GBP4: variants seen among roughly 807,000 people sequenced by gnomAD.
GBP4 encodes guanylate-binding protein 4.
A neutral mutation model predicts 62.2 loss-of-function variants in GBP4; 69 were observed. The observed-to-expected ratio is 1.11, with a 90% CI of 0.91 to 1.36. The LOEUF (loss-of-function observed/expected upper bound fraction) is 1.36, where lower values mean the gene tolerates loss of function less well. Ranked by LOEUF, GBP4 falls within the 40% of genes most tolerant of loss-of-function variation. The pLI is 0.00. For synonymous variants in GBP4, 278 were observed against 274.6 expected, an observed-to-expected ratio of 1.01 and a Z score of -0.12; for missense variants, 697 against 759.3, an observed-to-expected ratio of 0.92 and a Z score of 0.96.
chr1:89,187,799 AT>A (rs1001604732), intron 8 of GBP4, among the ~76,000 whole-genome samples: 1 of 152,226 alleles, frequency 6.6e-6, no homozygotes, highest in Non-Finnish European at 1.5e-5. Flanking sequence ...TATCTCACAC[AT>A]TTTAGAATGA....
At position 89,197,180 on chromosome 1, in the gene GBP4, C is replaced by G. The variant is rs1465103337; in HGVS notation, c.165G>C (p.Val55=). Reference sequence around the variant, plus strand: ...TGCGGTATAGCCCTACAATGGCCACCACCACCACGGGCTGAGAAATCTTGT... The same window carrying G: ...TGCGGTATAGCCCTACAATGGCCACGACCACCACGGGCTGAGAAATCTTGT... ...ILDKISQPVV[V]VAIVGLYRTG... The change falls in exon 2 of 11, where the codon GTG becomes GTC. Residue 55 remains valine, a synonymous_variant. Transcript: ENST00000355754. 6.2e-7 allele frequency: 1 copy of G among 1,614,128 alleles called. No individual in the cohort carries two copies. The highest frequency in any genetic ancestry group is 8.5e-7 in the Non-Finnish European group (1 of 1,180,012).
At chr1:89,198,292 C>T (rs1648401485) in intron 1 of GBP4, among the ~76,000 whole-genome samples, 1 of 151,966 alleles carries the variant, frequency 6.6e-6, no homozygotes, top group South Asian at 2.1e-4. Context: ...TGGGAGTCAG[C>T]TTGCACAAGT....
Position 89,193,346 on chromosome 1 carries a change from T to TA in GBP4, c.429dup (p.Asn144Ter). On this transcript the variant is annotated frameshift_variant, in exon 4 of 11. Coordinates refer to ENST00000355754, the MANE Select transcript of GBP4 (RefSeq NM_052941.5). LOFTEE classifies it high-confidence loss of function. ...TGGTGGTTGATGGTGCTCACGCTGT[T>TA]ATAGACAAAGCTGCTGCTTAGAAGC... 1.2e-6 allele frequency: 2 copies of TA among 1,614,104 alleles called. No homozygotes were observed. The highest frequency in any genetic ancestry group is 1.7e-6 in the Non-Finnish European group (2 of 1,180,000).
At chr1:89,186,662 C>T (rs1480080172) in intron 9 of GBP4, 136 bp from the exon 10 acceptor site, 4 of 806,204 alleles carry the variant, frequency 5.0e-6, no homozygotes, top group Non-Finnish European at 7.7e-6. Context: ...TCTCACTAGC[C>T]ATGTCTGGAA....
chr1:89,190,470 T>G, intron 6 of GBP4, 152 bp from the exon 7 acceptor site: 2 of 568,866 alleles, frequency 3.5e-6, no homozygotes, highest in South Asian at 7.9e-5. Flanking sequence ...TTCATCTTCC[T>G]CTATGAATTC....
In GBP4 at chr1:89,195,339, G is replaced by A. The variant is rs1648302895; in HGVS notation, c.321C>T (p.Thr107=). The A allele has an allele frequency of 1.2e-6, 2 of 1,613,988 alleles. No homozygotes were observed. Among genetic ancestry groups the A allele is most frequent in the East Asian group, 2.2e-5 (1 of 44,876 alleles). Residue 107 remains threonine, a synonymous_variant, in exon 3 of 11, where the codon ACC becomes ACT. Coordinates refer to ENST00000355754, the MANE Select transcript of GBP4 (RefSeq NM_052941.5). ...CVPHLSKPNH[T]LVLLDTEGLG... ...GGCCCTCGGTGTCCAGAAGGACCAG[G>A]GTGTGGTTTGGCTTAGAGAGGTGGG...
In GBP4 at chr1:89,197,273, G is replaced by A. The variant is rs1383017633; in HGVS notation, c.72C>T (p.Ala24=). Residue 24 remains alanine (A), a synonymous_variant, in exon 2 of 11, where the codon GCC becomes GCT. Coordinates refer to ENST00000355754, the MANE Select transcript of GBP4 (RefSeq NM_052941.5). The part of the protein sequence containing the change: ...GYPESESIMM[A]PICLVENQEE... Reference sequence around the variant, plus strand: ...CCTGGTTTTCCACTAGACAAATGGGGGCCATCATGATGGATTCAGATTCTG... The same window carrying A: ...CCTGGTTTTCCACTAGACAAATGGGAGCCATCATGATGGATTCAGATTCTG... 8 of 1,613,950 alleles carry A rather than the reference G, an allele frequency of 5.0e-6. No homozygotes were observed. The highest frequency in any genetic ancestry group is 1.1e-5 in the South Asian group (1 of 91,056).
intron 1 of GBP4, 121 bp downstream of exon 1, chr1:89,198,674 C>T (rs576950693): frequency 3.3e-4 from 291 of 875,514 alleles, no homozygotes; most frequent in Non-Finnish European, 5.1e-4. Flanking sequence ...CCTCCACTGC[C>T]TTTGTCACCC....
At chr1:89,188,889 G>A (rs1350420362) in intron 7 of GBP4, 95 bp from the exon 8 acceptor site, 1 of 1,227,018 alleles carries the variant, frequency 8.1e-7, no homozygotes, top group Non-Finnish European at 1.2e-6. Context: ...GAAGGCCTCA[G>A]AGTGGACTGG....
In GBP4 at chr1:89,188,681, C is replaced by G. The variant is rs1352056374; in HGVS notation, c.1311G>C (p.Leu437Phe). ...RLSEHLTESILRGIFSVPGGH... is the reference protein window; with the variant it reads ...RLSEHLTESIFRGIFSVPGGH... ...CTCCAGGAACAGAGAAAATTCCTCT[C>G]AAAATGCTTTCTGTCAGGTGCTCTG... is the stretch of plus-strand genomic sequence containing the variant. Residue 437 changes from leucine to phenylalanine, a missense_variant, in exon 8 of 11, where the codon TTG becomes TTC. Transcript: ENST00000355754. 8 of 1,614,086 alleles carry G rather than the reference C, an allele frequency of 5.0e-6. No individual in the cohort carries two copies. In the East Asian group the frequency reaches 1.8e-4, roughly 36 times the overall value.
chr1:89,191,334 G>A lies in GBP4; in HGVS notation c.843C>T (p.Asp281=). The change falls in exon 6 of 11, where the codon GAC becomes GAT. Residue 281 remains aspartate (D), a synonymous_variant. Coordinates refer to ENST00000355754, the MANE Select transcript of GBP4 (RefSeq NM_052941.5). ...NLERHFLMQS[D]NFCSYIFTHA... Reference sequence around the variant, plus strand: ...GGGTGAAGATATAAGAACAGAAGTTGTCTGATTGCATAAGGAAATGCCTTT... The same window carrying A: ...GGGTGAAGATATAAGAACAGAAGTTATCTGATTGCATAAGGAAATGCCTTT... 6 of 1,614,194 alleles carry A rather than the reference G, an allele frequency of 3.7e-6. No homozygotes were observed. Among genetic ancestry groups the A allele is most frequent in the Non-Finnish European group, 5.1e-6 (6 of 1,180,008 alleles).
rs561908001 is a variant in GBP4, at chr1:89,193,192, C to G, written c.474-92G>C. 358 of 1,527,134 alleles carry G rather than the reference C, an allele frequency of 2.3e-4. 2 individuals carry two copies. The South Asian group carries it at 3.9e-3, about 16-fold the overall frequency. 94.6% of individuals were successfully genotyped at this position (1,527,134 alleles called of 1,614,324 possible). On this transcript the variant is annotated intron_variant, in intron 4 of 10. Coordinates refer to ENST00000355754, the MANE Select transcript of GBP4 (RefSeq NM_052941.5). The stretch of plus-strand genomic sequence containing the variant: ...TTTTATACACGTTCCCTTTTGCACT[C>G]TGTCTTTTCTTACTCAACCAGGACA...
chr1:89,190,089 G>A lies in GBP4; in HGVS notation c.1146C>T (p.Phe382=), dbSNP rs560868087. The change falls in exon 7 of 11, where the codon TTC becomes TTT. Residue 382 remains phenylalanine, a synonymous_variant. Coordinates refer to ENST00000355754, the MANE Select transcript of GBP4 (RefSeq NM_052941.5). ...TTTCATCCTTGAAGGAGTGCTCCAT[G>A]AAGACTGCAATGGCTTCCCTCTCAC... is the stretch of plus-strand genomic sequence containing the variant. ...AACEREAIAV[F]MEHSFKDENH... 2 of 1,614,090 alleles carry A rather than the reference G, an allele frequency of 1.2e-6. No individual in the cohort carries two copies. Among genetic ancestry groups the A allele is most frequent in the Non-Finnish European group, 1.7e-6 (2 of 1,179,978 alleles).
In GBP4 at chr1:89,193,290, C is replaced by T. The variant is rs775171223; in HGVS notation, c.473+13G>A. 9 of 1,612,242 alleles carry T rather than the reference C, an allele frequency of 5.6e-6. No individual in the cohort carries two copies. The highest frequency in any genetic ancestry group is 7.6e-6 in the Non-Finnish European group (9 of 1,178,626). On this transcript the variant is annotated intron_variant, in intron 4 of 10. Coordinates refer to ENST00000355754, the MANE Select transcript of GBP4 (RefSeq NM_052941.5). Reference sequence around the variant, plus strand: ...ACCCCATAAAACCTGCTCTTCACTTCCCAGAAGGATACTGCAGCTGCTCCA... The same window carrying T: ...ACCCCATAAAACCTGCTCTTCACTTTCCAGAAGGATACTGCAGCTGCTCCA...
intron 2 of GBP4, among the ~76,000 whole-genome samples, 191 bp downstream of exon 2, chr1:89,196,919 G>A (rs900526423): frequency 2.0e-5 from 3 of 152,224 alleles, no homozygotes; most frequent in South Asian, 2.1e-4. Flanking sequence ...TTTCGATAGG[G>A]TTGAGATGAT....
rs769983270 is a variant in GBP4, at chr1:89,192,953, G to T, written c.621C>A (p.Asn207Lys). 3.1e-6 allele frequency: 5 copies of T among 1,614,024 alleles called. No individual in the cohort carries two copies. In the Admixed American group the frequency reaches 5.0e-5, roughly 16 times the overall value. Residue 207 changes from asparagine (N) to lysine (K), a missense_variant, in exon 5 of 11, where the codon AAC becomes AAA. By Grantham distance (94) the Asn-to-Lys change is moderately conservative (BLOSUM62 0). Transcript: ENST00000355754. ...DFTLELKLDG[N>K]PITEDEYLEN... ...CCAGGTACTCATCTTCTGTGATGGG[G>T]TTTCCATCTAACTTTAGCTCCAGGG... is the stretch of plus-strand genomic sequence containing the variant.
rs1648177755 is a variant in GBP4, at chr1:89,191,363, G to T, written c.814C>A (p.Leu272Met). 1 of 1,614,076 alleles carries T rather than the reference G, an allele frequency of 6.2e-7. No homozygotes were observed. The highest frequency in any genetic ancestry group is 1.7e-5 in the Admixed American group (1 of 60,010). Residue 272 changes from leucine (L) to methionine (M), a missense_variant, in exon 6 of 11, where the codon CTG (leucine) becomes ATG (methionine). By Grantham distance (15) the Leu-to-Met change is conservative. Around this residue, in one of 2 missense-constraint regions of GBP4, gnomAD observed 556 missense variants for 562.7 expected, o/e 0.99. Coordinates refer to ENST00000355754, the MANE Select transcript of GBP4 (RefSeq NM_052941.5). Reference sequence around the variant, plus strand: ...GATTGCATAAGGAAATGCCTTTCCAGATTTTCTTCTGGCACTTCGTCCATA... The same window carrying T: ...GATTGCATAAGGAAATGCCTTTCCATATTTTCTTCTGGCACTTCGTCCATA... The part of the protein sequence containing the change: ...NHMDEVPEEN[L>M]ERHFLMQSDN...
At chr1:89,193,476 G>A in intron 3 of GBP4, 64 bp from the exon 4 acceptor site, 2 of 1,361,290 alleles carry the variant, frequency 1.5e-6, no homozygotes, top group South Asian at 1.2e-5. Flanking sequence ...CATTCATTTG[G>A]TTGTTCATTA....
chr1:89,198,058 T>A (rs1346760981), intron 1 of GBP4, among the ~76,000 whole-genome samples: 3 of 151,762 alleles, frequency 2.0e-5, no homozygotes, highest in African/African-American at 7.3e-5. Flanking sequence ...CCTACAGAAG[T>A]AAAGTAGGCA....
Sources: allele counts gnomAD v4.1 joint callset (sites outside exome capture counted in the v4.1 genomes callset), GRCh38; gene constraint gnomAD v4.1.1; regional missense constraint gnomAD v4.1.1; transcripts MANE v1.5; gene names NCBI Gene and HGNC (gene_info 2026-07-23, HGNC 2026-07-21).